Variants in WDFY3 observed in about 807,000 individuals in gnomAD.
WDFY3 encodes the protein WD repeat and FYVE domain containing 3.
A neutral mutation model predicts 409.6 loss-of-function variants in WDFY3; 66 were observed. The observed-to-expected ratio is 0.16, with a 90% confidence interval of 0.13 to 0.20. WDFY3 has a LOEUF of 0.20. WDFY3 is among the 10% of genes least tolerant of loss of function. The pLI, the probability that WDFY3 is intolerant of heterozygous loss-of-function variation, is 1.00. For missense variants in WDFY3, 3,031 were observed against 4,298.1 expected (o/e 0.71, Z 8.24); for synonymous variants, 1,521 against 1,537.1 (o/e 0.99, Z 0.25).
intron 7 of WDFY3, among the ~76,000 whole-genome samples, chr4:84,834,418 G>A (rs957428626): frequency 5.3e-5 from 8 of 152,036 alleles, no homozygotes; most frequent in Admixed American, 3.3e-4. Flanking sequence ...AGGCTGAGGC[G>A]GGAGGATCAC....
At chr4:84,801,083 G>A (rs1465887334) in intron 17 of WDFY3, among the ~76,000 whole-genome samples, 1 of 152,146 alleles carries the variant, frequency 6.6e-6, no homozygotes, top group Non-Finnish European at 1.5e-5. Context: ...AATAAAGGTA[G>A]CACTAGAGAA....
intron 1 of WDFY3, among the ~76,000 whole-genome samples, chr4:84,942,673 C>T (rs1038911173): frequency 6.6e-6 from 1 of 152,192 alleles, no homozygotes; most frequent in Non-Finnish European, 1.5e-5. Context: ...CCAAACTTAA[C>T]ATCATCAGAT....
chr4:84,927,344 C>G (rs72965167), intron 2 of WDFY3, among the ~76,000 whole-genome samples: 1 of 151,940 alleles, frequency 6.6e-6, no homozygotes, highest in Admixed American at 6.6e-5. Flanking sequence ...CACACACACA[C>G]CTTATAGATT....
At chr4:84,830,150 TAA>T in intron 8 of WDFY3, among the ~76,000 whole-genome samples, 1 of 152,296 alleles carries the variant, frequency 6.6e-6, no homozygotes, top group Non-Finnish European at 1.5e-5. Context: ...TTAATAAATG[TAA>T]GTGAACAAAT....
intron 38 of WDFY3, among the ~76,000 whole-genome samples, chr4:84,740,802 AT>A (rs200479382): frequency 1.1e-4 from 16 of 150,964 alleles, no homozygotes; most frequent in African/African-American, 2.4e-4. Flanking sequence ...TACTAAAATC[AT>A]TTTTTTTTGA....
chr4:84,786,194 A>C, intron 23 of WDFY3, 55 bp from the exon 24 acceptor site: 1 of 1,507,192 alleles, frequency 6.6e-7, no homozygotes, highest in South Asian at 1.4e-5. Context: ...ATCTTAAAGT[A>C]AGTTTTTTAT....
At chr4:84,862,804 G>T (rs142829793) in intron 3 of WDFY3, among the ~76,000 whole-genome samples, 18 of 152,176 alleles carry the variant, frequency 1.2e-4, no homozygotes, top group Admixed American at 5.9e-4. Context: ...TGGCTAACAC[G>T]GTGAAACCCC....
chr4:84,789,711 T>A lies in WDFY3; in HGVS notation c.3669+15A>T. On this transcript the variant is annotated intron_variant, in intron 22 of 67. Transcript: ENST00000295888. ...CTTATAAAACAGGTAGATTTACAAG[T>A]GCACATACACTTACCTTTACAGTGT... is the stretch of plus-strand genomic sequence containing the variant. 6.2e-7 allele frequency: 1 copy of A among 1,607,644 alleles called. No homozygotes were observed. The highest frequency in any genetic ancestry group is 8.5e-7 in the Non-Finnish European group (1 of 1,176,676).
rs1757642699 is a variant in WDFY3 at position 84,843,333 on chromosome 4, AT to A, written c.305-2071del. ...AGCATAACTGTATCACTGTAAAAAA[AT>A]AACTTTTATTTTCACCTACCAATTT... is the stretch of plus-strand genomic sequence containing the variant. On this transcript the variant is annotated intron_variant, in intron 5 of 67. Coordinates refer to ENST00000295888, the MANE Select transcript of WDFY3 (RefSeq NM_014991.6). Among the ~76,000 whole-genome samples the A allele has an allele frequency of 7.2e-5, 11 of 152,372 alleles. No homozygotes were observed. The South Asian group carries it at 2.3e-3, about 32-fold the overall frequency.
intron 27 of WDFY3, among the ~76,000 whole-genome samples, chr4:84,777,098 G>A (rs1294340257): frequency 6.6e-6 from 1 of 151,992 alleles, no homozygotes; most frequent in African/African-American, 2.4e-5. Flanking sequence ...TTCAAGACTT[G>A]GTGACTAGGG....
chr4:84,854,286 G>T (rs191842237), intron 4 of WDFY3, among the ~76,000 whole-genome samples: 1 of 152,264 alleles, frequency 6.6e-6, no homozygotes, highest in African/African-American at 2.4e-5. Context: ...GGCTGATAAA[G>T]CTGGGGCATT....
chr4:84,726,677 G>A (rs1441487145), intron 45 of WDFY3, among the ~76,000 whole-genome samples, 184 bp downstream of exon 45: 1 of 151,990 alleles, frequency 6.6e-6, no homozygotes, highest in Non-Finnish European at 1.5e-5. Context: ...CTGAGCAACA[G>A]TAGAACAACA....
chr4:84,873,651 A>T (rs557689093), intron 3 of WDFY3, among the ~76,000 whole-genome samples: 66 of 152,192 alleles, frequency 4.3e-4, no homozygotes, highest in Non-Finnish European at 9.0e-4. Context: ...TTAGGGCAGA[A>T]ATTATTGAAA....
intron 47 of WDFY3, among the ~76,000 whole-genome samples, chr4:84,720,058 C>G (rs550498593): frequency 6.6e-6 from 1 of 152,238 alleles, no homozygotes; most frequent in Non-Finnish European, 1.5e-5. Flanking sequence ...CATTCATTCC[C>G]TTGTTTATTA....
At chr4:84,775,264 T>A in intron 27 of WDFY3, 126 bp from the exon 28 acceptor site, 2 of 816,754 alleles carry the variant, frequency 2.4e-6, no homozygotes, top group East Asian at 2.8e-5. Flanking sequence ...TAAAGTTCTA[T>A]AAAACCACTT....
chr4:84,675,257 C>T (rs1175480758), intron 67 of WDFY3, among the ~76,000 whole-genome samples: 2 of 151,938 alleles, frequency 1.3e-5, no homozygotes, highest in Non-Finnish European at 2.9e-5. Context: ...TGCCCGGTCC[C>T]ATTATAGGTT....
chr4:84,724,581 T>C lies in WDFY3; in HGVS notation c.7286A>G (p.Tyr2429Cys). Residue 2429 changes from tyrosine (Y) to cysteine (C), a missense_variant, in exon 46 of 68, where the codon TAT (tyrosine) becomes TGT (cysteine). By Grantham distance (194) the Tyr-to-Cys change is radical. Around this residue, in one of 16 missense-constraint regions of WDFY3, gnomAD observed 127 missense variants for 144.4 expected, o/e 0.88. Coordinates refer to ENST00000295888, the MANE Select transcript of WDFY3 (RefSeq NM_014991.6). Reference sequence around the variant, plus strand: ...ACTGTCATAACTTACGGCTCTTCTATATCGAGCAGGTTTCTAAGAAATGAC... The same window carrying C: ...ACTGTCATAACTTACGGCTCTTCTACATCGAGCAGGTTTCTAAGAAATGAC... ...DDIPQKKPARYRRAVSYDSKE... is the reference protein window; with the variant it reads ...DDIPQKKPARCRRAVSYDSKE... The C allele has an allele frequency of 2.5e-6, 4 of 1,609,346 alleles. No homozygotes were observed. Among genetic ancestry groups the C allele is most frequent in the Non-Finnish European group, 3.4e-6 (4 of 1,178,732 alleles).
chr4:84,723,478 T>C (rs1424888430), intron 46 of WDFY3, among the ~76,000 whole-genome samples: 5 of 152,232 alleles, frequency 3.3e-5, no homozygotes, highest in African/African-American at 7.2e-5. Flanking sequence ...ATTTACACTT[T>C]AGGGCTTTAT....
chr4:84,718,646 C>A, intron 47 of WDFY3, 76 bp from the exon 48 acceptor site: 2 of 1,502,956 alleles, frequency 1.3e-6, no homozygotes, highest in Non-Finnish European at 1.8e-6. Context: ...ACTACGGCAT[C>A]CCTAGAGCTA....
Sources: allele counts gnomAD v4.1 joint callset (sites outside exome capture counted in the v4.1 genomes callset), GRCh38; gene constraint gnomAD v4.1.1; regional missense constraint gnomAD v4.1.1; transcripts MANE v1.5; gene names NCBI Gene and HGNC (gene_info 2026-07-23, HGNC 2026-07-21).